The following TPRG1 variants were observed in gnomAD, a reference collection of about 807,000 sequenced individuals.
TPRG1 encodes tumor protein p63-regulated gene 1 protein.
A neutral mutation model predicts 29.3 loss-of-function variants in TPRG1; 29 were observed. The observed-to-expected ratio is 0.99, with a 90% confidence interval of 0.74 to 1.35. TPRG1 has a LOEUF of 1.35. Among genes scored for constraint, TPRG1 ranks in the 40% most tolerant of loss-of-function variants. TPRG1 has a pLI of 0.00. For missense variants in TPRG1, 327 were observed against 335.0 expected (o/e 0.98, Z 0.19); for synonymous variants, 130 against 116.8 (o/e 1.11, Z -0.73).
At chr3:189,195,762 CTTG>C (rs1732434829) in intron 1 of TPRG1, among the ~76,000 whole-genome samples, 1 of 152,084 alleles carries the variant, frequency 6.6e-6, no homozygotes, top group Non-Finnish European at 1.5e-5. Context: ...TGCTTTCTTC[CTTG>C]TTGTAGACAG....
Position 189,127,395 on chromosome 3 carries a change from G to A in TPRG1, c.-590+185G>A, listed in dbSNP as rs570409763. On this transcript the variant is annotated intron_variant, in intron 2 of 6. Transcript: ENST00000412373. ...TAGAAGGATTTTAGAGATCATATAG[G>A]TGCTGACATATGTTAACAAATGGAA... Among the ~76,000 whole-genome samples the A allele has an allele frequency of 2.0e-5, 3 of 152,286 alleles. No individual in the cohort carries two copies. In the South Asian group the frequency reaches 6.2e-4, roughly 32 times the overall value.
chr3:189,164,495 G>T (rs1003465403), intron 5 of TPRG1, among the ~76,000 whole-genome samples: 2 of 151,930 alleles, frequency 1.3e-5, no homozygotes, highest in African/African-American at 4.8e-5. Context: ...ACAATTTTTG[G>T]CTCGAAACAC....
At position 189,238,908 on chromosome 3, in the gene TPRG1, A is replaced by C; in HGVS notation, c.478A>C (p.Lys160Gln). The C allele has an allele frequency of 6.2e-7, 1 of 1,610,308 alleles. No homozygotes were observed. Among genetic ancestry groups the C allele is most frequent in the Non-Finnish European group, 8.5e-7 (1 of 1,177,800 alleles). The stretch of plus-strand genomic sequence containing the variant: ...CACCTTCCCTGGGATGTCCCTGGAC[A>C]AGTGAGTATATATCTTATACTTGAA... Reference protein sequence around the residue: ...KFTFPGMSLDKRQGEGLRIYW... With the variant: ...KFTFPGMSLDQRQGEGLRIYW... Residue 160 changes from lysine to glutamine, a missense_variant and splice_region_variant, in exon 4 of 6, where the codon AAG becomes CAG. Physicochemically the swap from Lys to Gln is moderately conservative, Grantham distance 53. Transcript: ENST00000345063.
intron 4 of TPRG1, among the ~76,000 whole-genome samples, chr3:189,302,207 G>A (rs1720946879): frequency 6.6e-6 from 1 of 152,154 alleles, no homozygotes; most frequent in African/African-American, 2.4e-5. Context: ...GTTTATGGAA[G>A]GCTTGTTTTA....
chr3:189,311,351 T>G (rs1319381808), intron 5 of TPRG1, among the ~76,000 whole-genome samples: 1 of 152,248 alleles, frequency 6.6e-6, no homozygotes. Flanking sequence ...TTTCAGAATA[T>G]TACAATTCTT....
chr3:189,274,007 G>A (rs979817814), intron 4 of TPRG1, among the ~76,000 whole-genome samples: 1 of 138,264 alleles, frequency 7.2e-6, no homozygotes, highest in African/African-American at 3.3e-5. Context: ...TTGTCTGGAA[G>A]CCAGTGAAAA....
chr3:189,217,505 G>T (rs1307619596), intron 3 of TPRG1, among the ~76,000 whole-genome samples: 1 of 152,068 alleles, frequency 6.6e-6, no homozygotes, highest in African/African-American at 2.4e-5. Flanking sequence ...TTAAATCGTA[G>T]TTCCTTGGTG....
intron 5 of TPRG1, among the ~76,000 whole-genome samples, chr3:189,317,773 A>C (rs575685476): frequency 7.2e-5 from 11 of 152,212 alleles, no homozygotes; most frequent in South Asian, 6.2e-4. Context: ...GTATACTTAC[A>C]AAGGTATATA....
intron 3 of TPRG1, among the ~76,000 whole-genome samples, chr3:189,012,592 C>A (rs1712661593): frequency 6.6e-6 from 1 of 152,086 alleles, no homozygotes; most frequent in Non-Finnish European, 1.5e-5. Context: ...CTTTGTACAT[C>A]TGGTATAATT....
chr3:189,066,739 C>T (rs6789757), intron 4 of TPRG1, among the ~76,000 whole-genome samples: 5,522 of 151,858 alleles, frequency 0.036, 328 homozygotes, highest in African/African-American at 0.13. Flanking sequence ...AAACTGAAAG[C>T]CTTTCATATT....
rs115067592 is a variant in TPRG1, at chr3:189,120,705, G to T, written c.-743-6352G>T. Among the ~76,000 whole-genome samples the T allele has an allele frequency of 3.1e-3, 467 of 152,302 alleles. 2 individuals carry two copies. Among genetic ancestry groups the T allele is most frequent in the Middle Eastern group, 6.8e-3 (2 of 294 alleles). ...TAATCCTAAAAGATGACTGAGGGTT[G>T]GTTGGCTAAATAAGGCTGAACAGCC... On this transcript the variant is annotated intron_variant, in intron 1 of 6. Transcript: ENST00000412373.
chr3:189,092,442 C>CTTTTT (rs201972502), intron 4 of TPRG1, among the ~76,000 whole-genome samples: 11 of 131,340 alleles, frequency 8.4e-5, no homozygotes, highest in African/African-American at 3.0e-4. Context: ...TCTGAAATTT[C>CTTTTT]TTTTTTTTTT....
chr3:189,212,409 T>C (rs761711306), intron 2 of TPRG1, among the ~76,000 whole-genome samples: 1 of 152,202 alleles, frequency 6.6e-6, no homozygotes, highest in Non-Finnish European at 1.5e-5. Flanking sequence ...TAGGGTTCCC[T>C]GTGTCTTGCT....
At chr3:189,173,531 G>A (rs1329513669) in intron 1 of TPRG1, among the ~76,000 whole-genome samples, 1 of 151,198 alleles carries the variant, frequency 6.6e-6, no homozygotes, top group Non-Finnish European at 1.5e-5. Context: ...GTAGAGACGG[G>A]GTTTCACCAT....
chr3:189,024,612 C>T (rs955414697), intron 4 of TPRG1, among the ~76,000 whole-genome samples: 1 of 152,164 alleles, frequency 6.6e-6, no homozygotes, highest in African/African-American at 2.4e-5. Context: ...CTCTCTAAAG[C>T]CTGCAGTCTG....
chr3:189,243,308 A>G (rs1318604190), intron 4 of TPRG1, among the ~76,000 whole-genome samples: 2 of 152,114 alleles, frequency 1.3e-5, no homozygotes, highest in African/African-American at 4.8e-5. Flanking sequence ...TACAAAGAGG[A>G]TGATACCCAT....
chr3:189,160,632 G>A (rs1231668237), intron 5 of TPRG1, among the ~76,000 whole-genome samples: 6 of 152,266 alleles, frequency 3.9e-5, no homozygotes, highest in African/African-American at 1.4e-4. Flanking sequence ...GGGAGACGGG[G>A]ACTAGGCTTG....
At chr3:189,150,678 A>G (rs892570780) in exon 5 of TPRG1, 1 of 152,192 alleles carries the variant, frequency 6.6e-6, no homozygotes, top group African/African-American at 2.4e-5. Context: ...TCATCTGGGC[A>G]CTGAAGACAT....
At chr3:189,287,643 C>T (rs1056934724) in intron 4 of TPRG1, among the ~76,000 whole-genome samples, 8 of 151,864 alleles carry the variant, frequency 5.3e-5, no homozygotes, top group Non-Finnish European at 8.8e-5. Flanking sequence ...GTGATCTGCC[C>T]GCCTCAGCCT....
Sources: gnomAD v4.1 joint callset for allele counts (sites outside exome capture counted in the v4.1 genomes callset) on GRCh38, gnomAD v4.1.1 for gene constraint, MANE v1.5 for transcripts, NCBI Gene and HGNC (gene_info 2026-07-23, HGNC 2026-07-21) for gene names.